STK4: variants seen among roughly 807,000 people sequenced by gnomAD.
STK4 encodes the protein serine/threonine-protein kinase 4.
A neutral mutation model predicts 64.9 loss-of-function variants in STK4; 30 were observed. The observed-to-expected ratio is 0.46, with a 90% CI of 0.35 to 0.63. STK4 has a LOEUF of 0.63. STK4 is among the 20% of genes least tolerant of loss of function. The pLI, the probability that STK4 is intolerant of heterozygous loss-of-function variation, is 0.01. For synonymous variants in STK4, 177 were observed against 199.0 expected (o/e 0.89, Z 0.93); for missense variants, 466 against 598.5 (o/e 0.78, Z 2.31).
chr20:45,043,651 C>G (rs2068648059), intron 10 of STK4, among the ~76,000 whole-genome samples: 1 of 152,188 alleles, frequency 6.6e-6, no homozygotes, highest in Non-Finnish European at 1.5e-5. Context: ...AAATTTGAAA[C>G]TTTTGAACAG....
At chr20:44,990,884 C>G (rs1346857867) in intron 5 of STK4, among the ~76,000 whole-genome samples, 1 of 152,122 alleles carries the variant, frequency 6.6e-6, no homozygotes, top group African/African-American at 2.4e-5. Flanking sequence ...CTGATGCCAC[C>G]AATTTCTAAG....
intron 10 of STK4, among the ~76,000 whole-genome samples, chr20:45,049,696 T>A (rs1214032993): frequency 2.6e-5 from 4 of 152,228 alleles, no homozygotes; most frequent in African/African-American, 9.6e-5. Flanking sequence ...CATATTAGAA[T>A]AATGCTTGAG....
chr20:44,995,844 T>G (rs1218390217), intron 6 of STK4, among the ~76,000 whole-genome samples: 1 of 152,094 alleles, frequency 6.6e-6, no homozygotes, highest in African/African-American at 2.4e-5. Context: ...TGCTACTCTC[T>G]CTCTCTGTCT....
intron 10 of STK4, among the ~76,000 whole-genome samples, chr20:45,039,606 G>A (rs2068580955): frequency 6.6e-6 from 1 of 152,108 alleles, no homozygotes; most frequent in African/African-American, 2.4e-5. Context: ...GCAGCTGGTT[G>A]AGCTTGCAGC....
At chr20:45,004,673 A>G (rs1433593550) in intron 9 of STK4, among the ~76,000 whole-genome samples, 1 of 150,358 alleles carries the variant, frequency 6.7e-6, no homozygotes, top group Non-Finnish European at 1.5e-5. Flanking sequence ...GAGACTCTTT[A>G]GTTTAATTAG....
rs554657221 is a variant in STK4 at position 45,075,357 on chromosome 20, T to G, written c.*181T>G. ...ACAGTCAGCGTGCCATCTTGATGTG[T>G]GTATGTACATTGGTCAGGTATATTA... On this transcript the variant is annotated 3_prime_UTR_variant, in exon 11 of 11. Transcript: ENST00000372806. 5.8e-6 allele frequency: 4 copies of G among 694,878 alleles called. No homozygotes were observed. In the East Asian group the frequency reaches 1.1e-4, roughly 19 times the overall value. 43.0% of individuals were successfully genotyped at this position (694,878 alleles called of 1,614,324 possible). A position where few individuals can be genotyped will look rare whatever the true frequency, so the allele number is the denominator to read the frequency against.
At chr20:45,020,505 A>C (rs2145369948) in intron 9 of STK4, among the ~76,000 whole-genome samples, 1 of 151,512 alleles carries the variant, frequency 6.6e-6, no homozygotes, top group South Asian at 2.1e-4. Flanking sequence ...TTTATGTGAG[A>C]TAGAGATACT....
intron 9 of STK4, among the ~76,000 whole-genome samples, chr20:45,009,642 A>G (rs899836617): frequency 6.6e-6 from 1 of 152,144 alleles, no homozygotes; most frequent in African/African-American, 2.4e-5. Flanking sequence ...CATTTTAATT[A>G]TATTGATTCT....
intron 2 of STK4, chr20:44,974,625 C>G (rs2067306571): frequency 6.6e-6 from 1 of 152,180 alleles, no homozygotes; most frequent in African/African-American, 2.4e-5. Context: ...CACACACCAC[C>G]ACGCCCGACT....
intron 10 of STK4, among the ~76,000 whole-genome samples, chr20:45,071,134 G>A (rs1426225620): frequency 1.3e-5 from 2 of 152,106 alleles, no homozygotes; most frequent in Non-Finnish European, 2.9e-5. Flanking sequence ...ATCTGGATGT[G>A]CGAGTATGGA....
chr20:45,030,835 A>C (rs969419558), intron 10 of STK4, among the ~76,000 whole-genome samples: 1 of 152,206 alleles, frequency 6.6e-6, no homozygotes, highest in Non-Finnish European at 1.5e-5. Flanking sequence ...ATAAAGCCAC[A>C]AACAGCTGTA....
At chr20:45,032,405 C>T (rs1033431362) in intron 10 of STK4, among the ~76,000 whole-genome samples, 4 of 152,036 alleles carry the variant, frequency 2.6e-5, no homozygotes, top group African/African-American at 7.2e-5. Flanking sequence ...GGTAGTTTTT[C>T]GATCCTCACC....
intron 10 of STK4, among the ~76,000 whole-genome samples, chr20:45,036,533 C>T (rs570552620): frequency 6.6e-6 from 1 of 152,150 alleles, no homozygotes; most frequent in East Asian, 1.9e-4. Flanking sequence ...GCTGGCAATT[C>T]CAGCTTGCCA....
At chr20:45,049,109 G>A (rs946667450) in intron 10 of STK4, among the ~76,000 whole-genome samples, 1 of 152,088 alleles carries the variant, frequency 6.6e-6, no homozygotes, top group African/African-American at 2.4e-5. Flanking sequence ...AGAGCTGTAT[G>A]GGATCCATCA....
At chr20:45,024,824 A>T in intron 9 of STK4, 149 bp from the exon 10 acceptor site, 2 of 771,604 alleles carry the variant, frequency 2.6e-6, no homozygotes, top group Non-Finnish European at 3.5e-6. Flanking sequence ...CATTTTTTGT[A>T]GTTTCACTAG....
At chr20:45,030,913 C>T (rs2068431801) in intron 10 of STK4, among the ~76,000 whole-genome samples, 1 of 152,076 alleles carries the variant, frequency 6.6e-6, no homozygotes, top group Non-Finnish European at 1.5e-5. Flanking sequence ...TAAGATGACC[C>T]AGGCTGGGTG....
At chr20:45,039,222 C>T (rs1363734491) in intron 10 of STK4, among the ~76,000 whole-genome samples, 2 of 152,200 alleles carry the variant, frequency 1.3e-5, no homozygotes, top group East Asian at 3.9e-4. Context: ...TTTACTCACA[C>T]ATGATTTTGT....
intron 5 of STK4, among the ~76,000 whole-genome samples, chr20:44,994,020 C>T (rs1335231655): frequency 6.6e-6 from 1 of 151,438 alleles, no homozygotes; most frequent in African/African-American, 2.4e-5. Flanking sequence ...AGCATAGGAA[C>T]TGTAGGGAGG....
In STK4 at chr20:45,005,018, G is replaced by T. The variant is rs185173389; in HGVS notation, c.1147+3665G>T. On this transcript the variant is annotated intron_variant, in intron 9 of 10. Coordinates refer to ENST00000372806, the MANE Select transcript of STK4 (RefSeq NM_006282.5). ...AAACTCTTGACCTCGTAATCCGCCCGCCTTGGCCTCCCAAAGTGCTGGGAT... is the reference window on the plus strand; with the variant it reads ...AAACTCTTGACCTCGTAATCCGCCCTCCTTGGCCTCCCAAAGTGCTGGGAT... Among the ~76,000 whole-genome samples, 126 of 151,456 alleles carry T rather than the reference G, an allele frequency of 8.3e-4. 3 individuals carry two copies. The South Asian group carries it at 0.02, about 24-fold the overall frequency.
Sources: gnomAD v4.1 joint callset for allele counts (sites outside exome capture counted in the v4.1 genomes callset) on GRCh38, gnomAD v4.1.1 for gene constraint, MANE v1.5 for transcripts, NCBI Gene and HGNC (gene_info 2026-07-23, HGNC 2026-07-21) for gene names.